Variants in DRC10 observed in about 807,000 individuals in gnomAD.
DRC10 encodes dynein regulatory complex subunit 10.
At chr12:113,201,914 C>G in the DRC10 span, among the ~76,000 whole-genome samples, 4 of 152,368 alleles carry the variant, frequency 2.6e-5, no homozygotes, top group African/African-American at 7.2e-5. Context: ...GTAGACTCCC[C>G]ACACGTGCCT....
At chr12:113,199,638 A>G in the DRC10 span, among the ~76,000 whole-genome samples, 15,708 of 152,090 alleles carry the variant, frequency 0.1, 942 homozygotes, top group East Asian at 0.21. Flanking sequence ...TGCCTTTTAC[A>G]AGGAAAGAGA....
At chr12:113,195,546 A>G in the DRC10 span, 3 of 1,544,652 alleles carry the variant, frequency 1.9e-6, no homozygotes, top group Admixed American at 3.8e-5. Flanking sequence ...CTGGGAAGAT[A>G]AGGGTCAGGA....
the DRC10 span, chr12:113,207,161 A>G: frequency 2.2e-6 from 1 of 447,570 alleles, no homozygotes; most frequent in African/African-American, 2.0e-5. Flanking sequence ...CAGCCTGGCC[A>G]ACATGGCGAA....
the DRC10 span, among the ~76,000 whole-genome samples, chr12:113,213,031 A>G: frequency 6.6e-6 from 1 of 152,152 alleles, no homozygotes; most frequent in African/African-American, 2.4e-5. Context: ...TGGATATTTT[A>G]TTAATTTTGC....
At chr12:113,203,043 T>C in the DRC10 span, 4 of 455,412 alleles carry the variant, frequency 8.8e-6, no homozygotes, top group African/African-American at 8.0e-5. Context: ...CCTTTTTTTT[T>C]TGAGACAGGG....
chr12:113,212,224 C>A, the DRC10 span, among the ~76,000 whole-genome samples: 3 of 152,054 alleles, frequency 2.0e-5, no homozygotes, highest in African/African-American at 7.2e-5. Context: ...CGTGCACCAC[C>A]ACGCTAGCCT....
chr12:113,202,951 A>C, the DRC10 span: 1 of 415,150 alleles, frequency 2.4e-6, no homozygotes, highest in East Asian at 7.2e-5. Context: ...AGATTTAGAG[A>C]GAAAATGTAT....
the DRC10 span, among the ~76,000 whole-genome samples, chr12:113,218,052 A>G: frequency 1.3e-5 from 2 of 152,154 alleles, no homozygotes; most frequent in Admixed American, 6.6e-5. Flanking sequence ...ATTGCTAAAT[A>G]TCCTACAATT....
the DRC10 span, chr12:113,207,336 A>AC: frequency 2.1e-6 from 2 of 958,296 alleles, no homozygotes; most frequent in Non-Finnish European, 1.7e-6. Context: ...CAACAGAGCG[A>AC]GACTCCATCT....
the DRC10 span, among the ~76,000 whole-genome samples, chr12:113,215,855 G>A: frequency 5.5e-4 from 83 of 152,282 alleles, no homozygotes; most frequent in African/African-American, 1.8e-3. Flanking sequence ...ACAAAATCTA[G>A]AACACCGACA....
chr12:113,220,893 A>T, the DRC10 span: 32 of 267,434 alleles, frequency 1.2e-4, no homozygotes, highest in East Asian at 2.6e-3. Flanking sequence ...CTGAGACGAG[A>T]TCGCAGCGGG....
the DRC10 span, among the ~76,000 whole-genome samples, chr12:113,205,476 T>C: frequency 4.1e-3 from 627 of 152,002 alleles, 8 homozygotes; most frequent in African/African-American, 0.014. Context: ...GAAAATGAAA[T>C]AGAGGTTCCT....
the DRC10 span, chr12:113,203,164 T>C: frequency 5.3e-6 from 2 of 377,736 alleles, no homozygotes; most frequent in Non-Finnish European, 1.1e-5. Context: ...TAGCTGGGAC[T>C]ACAGGTGCAT....
the DRC10 span, among the ~76,000 whole-genome samples, chr12:113,213,451 T>TAA: frequency 6.6e-6 from 1 of 152,222 alleles, no homozygotes; most frequent in Non-Finnish European, 1.5e-5. Flanking sequence ...CTTGAGAACT[T>TAA]ACTGTGTAGC....
the DRC10 span, among the ~76,000 whole-genome samples, chr12:113,201,424 A>G: frequency 6.6e-6 from 1 of 152,168 alleles, no homozygotes; most frequent in African/African-American, 2.4e-5. Context: ...TGCACGAGTG[A>G]AGGGTACAAG....
At chr12:113,212,662 A>G in the DRC10 span, among the ~76,000 whole-genome samples, 2 of 152,194 alleles carry the variant, frequency 1.3e-5, no homozygotes, top group African/African-American at 2.4e-5. Flanking sequence ...GATTATGATG[A>G]CACCCATCAT....
the DRC10 span, among the ~76,000 whole-genome samples, chr12:113,199,506 G>T: frequency 1.3e-5 from 2 of 152,226 alleles, no homozygotes; most frequent in African/African-American, 4.8e-5. Flanking sequence ...GGGCTCCCCA[G>T]GGAACTGTCC....
the DRC10 span, chr12:113,208,252 T>C: frequency 1.3e-6 from 2 of 1,496,684 alleles, no homozygotes; most frequent in Non-Finnish European, 1.8e-6. Context: ...TTATTGTCTC[T>C]GGCCATCCTG....
At chr12:113,216,638 G>A in the DRC10 span, among the ~76,000 whole-genome samples, 2 of 152,138 alleles carry the variant, frequency 1.3e-5, no homozygotes, top group South Asian at 2.1e-4. Flanking sequence ...GTGGGAATAG[G>A]GGGTATGTAG....
Sources: allele counts gnomAD v4.1 joint callset (sites outside exome capture counted in the v4.1 genomes callset), GRCh38; gene constraint gnomAD v4.1.1; transcripts MANE v1.5; gene names NCBI Gene and HGNC (gene_info 2026-07-23, HGNC 2026-07-21).